The following DOCK9 variants were observed in gnomAD, a reference collection of about 807,000 sequenced individuals.
DOCK9 encodes dedicator of cytokinesis 9, also known as dedicator of cytokinesis protein 9.
Under a neutral mutation model 263.3 loss-of-function variants are expected in DOCK9, and 89 were observed. The observed-to-expected ratio is 0.34, with a 90% confidence interval of 0.28 to 0.40. The LOEUF is 0.40. DOCK9 is among the 10% of genes least tolerant of loss of function. DOCK9 has a pLI of 1.00. For missense variants in DOCK9, 2,140 were observed against 2,603.4 expected (o/e 0.82, Z 3.87); for synonymous variants, 976 against 973.1 (o/e 1.00, Z -0.06).
At chr13:98,858,349 C>G (rs1462628599) in intron 33 of DOCK9, 3 of 152,104 alleles carry the variant, frequency 2.0e-5, no homozygotes, top group Non-Finnish European at 2.9e-5. Flanking sequence ...AGTTTTTATC[C>G]AGGCAGTGAA....
At position 98,903,026 on chromosome 13, in the gene DOCK9, T is replaced by C. The variant is rs1429002790; in HGVS notation, c.1122A>G (p.Leu374=). The change falls in exon 11 of 53, where the codon TTA becomes TTG. Residue 374 remains leucine, a synonymous_variant. Coordinates refer to ENST00000682017, the MANE Select transcript of DOCK9 (RefSeq NM_001366683.2). The part of the protein sequence containing the change: ...GKRILVKCND[L]SFNLQCCVAE... ...CAACACAGCATTGCAAATTGAAAGA[T>C]AAATCATTGCACTTGACAAGGATCC... 1.3e-6 allele frequency: 2 copies of C among 1,542,446 alleles called. No homozygotes were observed. The highest frequency in any genetic ancestry group is 4.1e-5 in the Admixed American group (2 of 49,198).
At chr13:98,830,412 G>A in intron 41 of DOCK9, among the ~76,000 whole-genome samples, 1 of 152,106 alleles carries the variant, frequency 6.6e-6, no homozygotes, top group East Asian at 1.9e-4. Context: ...GGTCTCCCTA[G>A]CTGAGGTCTA....
intron 1 of DOCK9, among the ~76,000 whole-genome samples, chr13:99,043,945 G>A (rs527679418): frequency 9.9e-4 from 150 of 152,270 alleles, no homozygotes; most frequent in Admixed American, 2.0e-3. Context: ...TACACTGCCT[G>A]GCACCAGAGG....
In DOCK9 at chr13:98,978,064, T is replaced by C; in HGVS notation, c.-155A>G. The C allele has an allele frequency of 7.0e-7, 1 of 1,424,274 alleles. No homozygotes were observed. The highest frequency in any genetic ancestry group is 9.1e-7 in the Non-Finnish European group (1 of 1,094,410). 88.2% of individuals were successfully genotyped at this position (1,424,274 alleles called of 1,614,324 possible). ...CCCCGCTGGCTGGGTCTGCAGAGCC[T>C]GTGGGGTGGGAAGGCATGACAGCAA... On this transcript the variant is annotated 5_prime_UTR_variant, in exon 1 of 53. Coordinates refer to ENST00000682017, the MANE Select transcript of DOCK9 (RefSeq NM_001366683.2).
intron 1 of DOCK9, among the ~76,000 whole-genome samples, chr13:99,058,162 A>G (rs1414985610): frequency 6.7e-6 from 1 of 149,720 alleles, no homozygotes; most frequent in South Asian, 2.2e-4. Context: ...ACAGTACTTG[A>G]TATCTTTTTT....
At chr13:98,992,045 A>T (rs2390132) in intron 1 of DOCK9, among the ~76,000 whole-genome samples, 1 of 151,416 alleles carries the variant, frequency 6.6e-6, no homozygotes, top group Non-Finnish European at 1.5e-5. Flanking sequence ...ACACCTGGTG[A>T]GATCGTGTCA....
chr13:98,898,046 A>T (rs1354534270), intron 14 of DOCK9, 133 bp downstream of exon 14: 3 of 670,886 alleles, frequency 4.5e-6, no homozygotes, highest in Non-Finnish European at 7.6e-6. Context: ...TTTTTTCAAA[A>T]TCTGGGCTTA....
intron 1 of DOCK9, among the ~76,000 whole-genome samples, chr13:98,992,029 G>A (rs1250894893): frequency 2.6e-5 from 4 of 151,674 alleles, no homozygotes; most frequent in African/African-American, 4.9e-5. Context: ...GAAGACCACC[G>A]CATGTACACC....
At chr13:98,985,443 C>T (rs1878232963) in intron 1 of DOCK9, among the ~76,000 whole-genome samples, 1 of 152,118 alleles carries the variant, frequency 6.6e-6, no homozygotes, top group South Asian at 2.1e-4. Flanking sequence ...GCATTTTTGC[C>T]TGTTTTGTTC....
At chr13:98,999,316 A>ACTCTCTCTCTCTCT (rs903855891) in intron 1 of DOCK9, among the ~76,000 whole-genome samples, 49 of 138,270 alleles carry the variant, frequency 3.5e-4, no homozygotes, top group South Asian at 1.9e-3. Context: ...ACACACACAC[A>ACTCTCTCTCTCTCT]CTCTCTCTCT....
chr13:98,869,159 T>C (rs1003449406), intron 27 of DOCK9, among the ~76,000 whole-genome samples: 1 of 152,236 alleles, frequency 6.6e-6, no homozygotes, highest in Non-Finnish European at 1.5e-5. Flanking sequence ...TAAAACTGCT[T>C]GGCAGCAGTC....
Position 98,829,565 on chromosome 13 carries a change from G to A in DOCK9, c.4750-43C>T. ...GAGGAAAGGACACATGGCTTCCTCT[G>A]TTTGCTGCCTGTCCACAAGCACCTC... On this transcript the variant is annotated intron_variant, in intron 42 of 52. Coordinates refer to ENST00000682017, the MANE Select transcript of DOCK9 (RefSeq NM_001366683.2). This position sits in a 1 kb window ranked among gnomAD's most constrained non-coding sequence, Gnocchi z 4.1. 3 of 1,589,262 alleles carry A rather than the reference G, an allele frequency of 1.9e-6. No individual in the cohort carries two copies. The highest frequency in any genetic ancestry group is 2.3e-5 in the East Asian group (1 of 44,150).
At chr13:98,871,808 G>A (rs1339584278) in intron 27 of DOCK9, 1 of 152,578 alleles carries the variant, frequency 6.6e-6, no homozygotes, top group Non-Finnish European at 1.5e-5. Flanking sequence ...GCCTGTGTGG[G>A]GTCAGCCAGC....
chr13:98,942,984 G>A (rs182019120), intron 2 of DOCK9, among the ~76,000 whole-genome samples: 2 of 152,316 alleles, frequency 1.3e-5, no homozygotes, highest in East Asian at 3.9e-4. Context: ...TATACATCTC[G>A]ATACACCAGT....
chr13:99,086,513 C>A, exon 1 of DOCK9: 1 of 299,208 alleles, frequency 3.3e-6, no homozygotes, highest in Non-Finnish European at 4.9e-6. Flanking sequence ...CCGCCGCAGC[C>A]CAGGCCGCGC....
upstream of DOCK9, among the ~76,000 whole-genome samples, chr13:99,087,448 C>A (rs1210920296): frequency 1.3e-5 from 2 of 152,242 alleles, no homozygotes; most frequent in Non-Finnish European, 2.9e-5. Context: ...CGGTCTGCCG[C>A]CCCTCCGCGC....
intron 1 of DOCK9, among the ~76,000 whole-genome samples, chr13:98,956,983 C>T (rs553853425): frequency 1.4e-4 from 22 of 152,242 alleles, no homozygotes; most frequent in Admixed American, 1.4e-3. Flanking sequence ...TACAGGTGGA[C>T]CACATTTCCC....
At chr13:98,915,746 T>G (rs188067946) in intron 7 of DOCK9, among the ~76,000 whole-genome samples, 56 of 151,852 alleles carry the variant, frequency 3.7e-4, no homozygotes, top group African/African-American at 1.4e-3. Flanking sequence ...CATACTCATC[T>G]GATTCACTGT....
At chr13:98,883,322 A>G (rs1006480805) in intron 22 of DOCK9, among the ~76,000 whole-genome samples, 191 bp from the exon 23 acceptor site, 1 of 152,056 alleles carries the variant, frequency 6.6e-6, no homozygotes, top group Non-Finnish European at 1.5e-5. Flanking sequence ...ACCATGGCTC[A>G]CTGCGGCCTT....
Sources: allele counts gnomAD v4.1 joint callset (sites outside exome capture counted in the v4.1 genomes callset), GRCh38; gene constraint gnomAD v4.1.1; non-coding constraint Gnocchi (gnomAD v3.1); transcripts MANE v1.5; gene names NCBI Gene and HGNC (gene_info 2026-07-23, HGNC 2026-07-21).